Variants in GLIS3 observed in about 807,000 individuals in gnomAD.
The protein encoded by GLIS3 is zinc finger protein GLIS3.
GLIS3 carries 53 observed loss-of-function variants against 78.6 expected under a neutral mutation model. The observed-to-expected ratio is 0.67, with a 90% CI of 0.54 to 0.85. The LOEUF (loss-of-function observed/expected upper bound fraction) is 0.85, where lower values mean the gene tolerates loss of function less well. Ranked by LOEUF, GLIS3 falls within the 40% of genes least tolerant of loss-of-function variation. The pLI, the probability that GLIS3 is intolerant of heterozygous loss-of-function variation, is 0.00. For missense variants in GLIS3, 1,703 were observed against 1,231.1 expected (o/e 1.38, Z -5.74); for synonymous variants, 684 against 509.9 (o/e 1.34, Z -4.60).
chr9:4,394,784 G>A, the GLIS3 span, among the ~76,000 whole-genome samples: 3 of 152,120 alleles, frequency 2.0e-5, no homozygotes, highest in Admixed American at 6.6e-5. Flanking sequence ...CACCACTAAT[G>A]AGAAAAATTA....
intron 2 of GLIS3, among the ~76,000 whole-genome samples, chr9:4,332,255 C>T (rs1300109976): frequency 2.0e-5 from 3 of 152,158 alleles, no homozygotes; most frequent in African/African-American, 7.2e-5. Flanking sequence ...TCACTGATAG[C>T]GCCTTTCCTT....
At chr9:4,141,154 C>T (rs1833783869) in intron 2 of GLIS3, among the ~76,000 whole-genome samples, 1 of 152,076 alleles carries the variant, frequency 6.6e-6, no homozygotes. Context: ...TGAGATTATT[C>T]CAGGTGCTCT....
At chr9:4,107,275 C>T (rs1297816172) in intron 4 of GLIS3, among the ~76,000 whole-genome samples, 2 of 152,122 alleles carry the variant, frequency 1.3e-5, no homozygotes, top group African/African-American at 2.4e-5. Context: ...CACCAATACT[C>T]GGTGTTTAAG....
chr9:4,117,605 T>A (rs957799516), intron 4 of GLIS3, among the ~76,000 whole-genome samples, 163 bp downstream of exon 4: 1 of 152,066 alleles, frequency 6.6e-6, no homozygotes, highest in Non-Finnish European at 1.5e-5. Flanking sequence ...CCACTAACCA[T>A]GAAAGAAATC....
In GLIS3 at chr9:4,337,482, G is replaced by A. The variant is rs145773984; in HGVS notation, n.264+9599C>T. ...CATACTTTTGATTTAAACGAATGAA[G>A]GCAATATTTTGCAATGATTCTGAAC... On this transcript the variant is annotated intron_variant and non_coding_transcript_variant, in intron 2 of 4. Transcript: ENST00000471664. Among the ~76,000 whole-genome samples, 6 of 152,240 alleles carry A rather than the reference G, an allele frequency of 3.9e-5. No individual in the cohort carries two copies. The South Asian group carries it at 1.2e-3, about 32-fold the overall frequency.
intron 2 of GLIS3, among the ~76,000 whole-genome samples, chr9:4,135,735 G>T (rs1279709338): frequency 2.0e-5 from 3 of 152,048 alleles, no homozygotes; most frequent in African/African-American, 7.2e-5. Flanking sequence ...AAAGAACTTT[G>T]AAAAGTATAT....
rs549158061 is a variant in GLIS3 at position 4,245,018 on chromosome 9, A to T, written c.388+41020T>A. On this transcript the variant is annotated intron_variant, in intron 2 of 10. Transcript: ENST00000381971. ...AATGATTGATGTAGACCCCAAGAAG[A>T]TCCTTAATCAAATAAAAGATCTTGG... 1.3e-3 allele frequency among the ~76,000 whole-genome samples: 199 copies of T among 152,334 alleles called. 1 individual carries two copies. Among genetic ancestry groups the T allele is most frequent in the Non-Finnish European group, 2.4e-3 (166 of 68,022 alleles).
intron 6 of GLIS3, among the ~76,000 whole-genome samples, chr9:3,924,104 C>T (rs540335597): frequency 5.9e-5 from 9 of 152,326 alleles, no homozygotes; most frequent in African/African-American, 2.2e-4. Flanking sequence ...TTTAAATTCC[C>T]TCTAGCTTCG....
the GLIS3 span, among the ~76,000 whole-genome samples, chr9:4,369,118 G>T: frequency 6.6e-6 from 1 of 152,032 alleles, no homozygotes; most frequent in Non-Finnish European, 1.5e-5. Flanking sequence ...TTGAAAATCA[G>T]CTTCACCTTG....
chr9:4,429,705 T>C, the GLIS3 span, among the ~76,000 whole-genome samples: 1 of 152,156 alleles, frequency 6.6e-6, no homozygotes, highest in African/African-American at 2.4e-5. Flanking sequence ...TCACCAAACA[T>C]TGAATCCCCA....
At chr9:4,093,346 T>C (rs1045042031) in intron 4 of GLIS3, among the ~76,000 whole-genome samples, 3 of 152,104 alleles carry the variant, frequency 2.0e-5, no homozygotes, top group Admixed American at 2.0e-4. Context: ...CCCCAGTGTT[T>C]GCACTGAGTA....
intron 4 of GLIS3, among the ~76,000 whole-genome samples, chr9:3,962,740 C>G (rs753634696): frequency 2.0e-5 from 3 of 152,076 alleles, no homozygotes; most frequent in Non-Finnish European, 2.9e-5. Flanking sequence ...ATGGGAGTCA[C>G]AGATTCAGCT....
At chr9:4,047,154 G>C (rs994419234) in intron 4 of GLIS3, among the ~76,000 whole-genome samples, 1 of 152,146 alleles carries the variant, frequency 6.6e-6, no homozygotes, top group Non-Finnish European at 1.5e-5. Context: ...GTGTTAGTGA[G>C]TGAGTTCTCA....
chr9:3,936,808 A>G (rs962982766), intron 5 of GLIS3, among the ~76,000 whole-genome samples: 1 of 152,186 alleles, frequency 6.6e-6, no homozygotes, highest in African/African-American at 2.4e-5. Flanking sequence ...CTTCTGTCCC[A>G]GGAGGTTGTA....
intron 2 of GLIS3, among the ~76,000 whole-genome samples, chr9:4,238,691 T>C (rs868413587): frequency 6.6e-6 from 1 of 152,194 alleles, no homozygotes; most frequent in Admixed American, 6.5e-5. Context: ...CTGTGTGTCA[T>C]TCCTCATGAG....
intron 2 of GLIS3, among the ~76,000 whole-genome samples, chr9:4,203,914 C>T (rs2131273357): frequency 6.6e-6 from 1 of 152,304 alleles, no homozygotes; most frequent in Non-Finnish European, 1.5e-5. Context: ...AGTGGGTACT[C>T]ATGGACATTA....
chr9:4,296,678 C>T (rs1816536241), intron 1 of GLIS3, among the ~76,000 whole-genome samples: 1 of 152,108 alleles, frequency 6.6e-6, no homozygotes, highest in Non-Finnish European at 1.5e-5. Flanking sequence ...TTAAATTGAT[C>T]TACTCATACT....
At chr9:4,276,371 C>T (rs192616111) in intron 2 of GLIS3, among the ~76,000 whole-genome samples, 515 of 18,356 alleles carry the variant, frequency 0.028, 34 homozygotes, top group African/African-American at 0.1. Flanking sequence ...GGAGAGGGCA[C>T]GGGAGGGGAG....
intron 2 of GLIS3, among the ~76,000 whole-genome samples, chr9:4,134,489 C>T (rs775448113): frequency 6.9e-4 from 105 of 152,128 alleles, no homozygotes; most frequent in Non-Finnish European, 2.4e-4. Flanking sequence ...AGTAATTTTA[C>T]CTCTTAGCCT....
Sources: allele counts gnomAD v4.1 joint callset (sites outside exome capture counted in the v4.1 genomes callset), GRCh38; gene constraint gnomAD v4.1.1; transcripts MANE v1.5; gene names NCBI Gene and HGNC (gene_info 2026-07-23, HGNC 2026-07-21).